The following CACNB4 variants were observed in gnomAD, a reference collection of about 807,000 sequenced individuals.
CACNB4 encodes voltage-dependent L-type calcium channel subunit beta-4.
Under a neutral mutation model 71.2 loss-of-function variants are expected in CACNB4, and 32 were observed. That is an observed-to-expected ratio of 0.45 (90% CI 0.34 to 0.60). The LOEUF (loss-of-function observed/expected upper bound fraction) is 0.60. Among genes scored for constraint, CACNB4 ranks in the 20% least tolerant of loss-of-function variants. CACNB4 has a pLI of 0.01. For missense variants in CACNB4, 464 were observed against 647.9 expected (o/e 0.72, Z 3.08); for synonymous variants, 231 against 236.9 (o/e 0.97, Z 0.23).
rs1490061984 is a variant in CACNB4, at chr2:152,098,455, C to T, written c.64-42G>A. 4.5e-6 allele frequency: 7 copies of T among 1,558,796 alleles called. No individual in the cohort carries two copies. The highest frequency in any genetic ancestry group is 6.2e-6 in the Non-Finnish European group (7 of 1,130,174). On this transcript the variant is annotated intron_variant, in intron 1 of 13. Coordinates refer to ENST00000539935, the MANE Select transcript of CACNB4 (RefSeq NM_000726.5). The surrounding 1 kb of genome is among the most constrained non-coding windows in gnomAD (Gnocchi z 5.3). ...GGGGCCAGAGAGAAGCCGGTGAGGA[C>T]CGCAGCGCAGAGCGGGGCGACCACC...
intron 2 of CACNB4, among the ~76,000 whole-genome samples, chr2:152,074,933 T>C (rs1686924904): frequency 1.3e-5 from 2 of 152,108 alleles, no homozygotes; most frequent in African/African-American, 4.8e-5. Flanking sequence ...ATCACCAGTA[T>C]TACCATCATC....
chr2:151,851,085 C>T (rs933110419), intron 12 of CACNB4: 6 of 152,032 alleles, frequency 3.9e-5, no homozygotes, highest in African/African-American at 1.4e-4. Context: ...GATATGGTGG[C>T]CAATTAAGTA....
At chr2:152,081,521 A>G (rs74530319) in intron 2 of CACNB4, among the ~76,000 whole-genome samples, 1,869 of 152,112 alleles carry the variant, frequency 0.012, 39 homozygotes, top group African/African-American at 0.043. Context: ...ATCCTGACAG[A>G]TTTGGTTCTT....
chr2:151,894,604 T>G (rs957996700), intron 2 of CACNB4, among the ~76,000 whole-genome samples: 12 of 152,084 alleles, frequency 7.9e-5, no homozygotes, highest in Non-Finnish European at 1.2e-4. Context: ...CAGATGGAAA[T>G]CAGAAAGTCA....
intron 2 of CACNB4, among the ~76,000 whole-genome samples, chr2:151,985,838 T>C (rs1681332036): frequency 6.6e-6 from 1 of 152,172 alleles, no homozygotes; most frequent in African/African-American, 2.4e-5. Flanking sequence ...GAAAGTCTTA[T>C]GACATTGGCA....
intron 6 of CACNB4, chr2:151,871,568 T>A (rs980144208): frequency 2.0e-5 from 3 of 152,456 alleles, no homozygotes; most frequent in Non-Finnish European, 2.9e-5. Flanking sequence ...CCAGTCTAGT[T>A]GGGTACAACT....
In CACNB4 at chr2:152,041,952, T is replaced by C. The variant is rs566489421; in HGVS notation, c.147+56378A>G. On this transcript the variant is annotated intron_variant, in intron 2 of 13. Transcript: ENST00000539935. ...ACGCCATCATTCCCAGCACTTGGAA[T>C]AATGCCCAGCACATAGGAGGTGTTC... Among the ~76,000 whole-genome samples the C allele has an allele frequency of 2.6e-5, 4 of 152,286 alleles. No individual in the cohort carries two copies. In the East Asian group the frequency reaches 5.8e-4, roughly 22 times the overall value.
chr2:151,870,050 T>C (rs2099844203), intron 8 of CACNB4: 6 of 583,116 alleles, frequency 1.0e-5, no homozygotes, highest in Non-Finnish European at 1.8e-5. Flanking sequence ...TTTTAAAACA[T>C]GTGCCCTTTA....
chr2:152,023,327 G>A (rs1348656338), intron 2 of CACNB4, among the ~76,000 whole-genome samples: 1 of 152,064 alleles, frequency 6.6e-6, no homozygotes, highest in Non-Finnish European at 1.5e-5. Context: ...AGATTTGGGT[G>A]GGGACACAGA....
At chr2:152,064,480 A>G (rs1023769958) in intron 2 of CACNB4, among the ~76,000 whole-genome samples, 53 of 152,298 alleles carry the variant, frequency 3.5e-4, no homozygotes, top group African/African-American at 1.2e-3. Context: ...TCCCAGGTTC[A>G]AGCGATTCTC....
intron 2 of CACNB4, among the ~76,000 whole-genome samples, chr2:151,922,733 T>C (rs2099859287): frequency 6.6e-6 from 1 of 152,232 alleles, no homozygotes; most frequent in African/African-American, 2.4e-5. Context: ...AAAAGATATT[T>C]ACCAAGACAG....
At chr2:151,946,101 G>A (rs2099865530) in intron 2 of CACNB4, among the ~76,000 whole-genome samples, 1 of 152,022 alleles carries the variant, frequency 6.6e-6, no homozygotes, top group Non-Finnish European at 1.5e-5. Context: ...GGCGAAGGCT[G>A]GTAGATCACA....
rs200092211 is a variant in CACNB4 at position 152,099,007 on chromosome 2, G to A, written c.5C>T (p.Ser2Phe). 8.8e-4 allele frequency: 1,344 copies of A among 1,533,242 alleles called. 1 individual carries two copies. Among genetic ancestry groups the A allele is most frequent in the Middle Eastern group, 2.9e-3 (14 of 4,854 alleles). The allele number at this position is 1,533,242 out of a possible 1,614,324, so 95.0% of individuals were successfully genotyped here. A position where few individuals can be genotyped will look rare whatever the true frequency, so the allele number is the denominator to read the frequency against. The change falls in exon 1 of 14, where the codon TCC becomes TTC. Residue 2 changes from serine (S) to phenylalanine (F), a missense_variant. Transcript: ENST00000539935. M[S>F]SSSYAKNGTA... Reference sequence around the variant, plus strand: ...CCCGTTCTTGGCGTAGGAGGAGGAGGACATCGTTCAGAGCCGCCGCATGGC... The same window carrying A: ...CCCGTTCTTGGCGTAGGAGGAGGAGAACATCGTTCAGAGCCGCCGCATGGC...
intron 12 of CACNB4, among the ~76,000 whole-genome samples, chr2:151,846,707 C>T (rs760080415): frequency 6.6e-6 from 1 of 152,026 alleles, no homozygotes; most frequent in African/African-American, 2.4e-5. Context: ...TATGCACCAC[C>T]ACATCCAGCT....
At chr2:151,860,263 T>C (rs1420301248) in intron 10 of CACNB4, 2 of 188,852 alleles carry the variant, frequency 1.1e-5, no homozygotes, top group Non-Finnish European at 2.1e-5. Context: ...TTAAAGTCCC[T>C]GCATGTTACT....
At chr2:151,909,682 C>T (rs1412478325) in intron 2 of CACNB4, among the ~76,000 whole-genome samples, 4 of 152,026 alleles carry the variant, frequency 2.6e-5, no homozygotes, top group East Asian at 1.9e-4. Context: ...GTTTGGTTTT[C>T]GTTCTTGTGT....
At chr2:151,966,500 C>T (rs1175894584) in intron 2 of CACNB4, among the ~76,000 whole-genome samples, 1 of 152,076 alleles carries the variant, frequency 6.6e-6, no homozygotes, top group Middle Eastern at 3.2e-3. Context: ...AGGCTGGTCT[C>T]AAACTCCTGA....
At position 152,039,340 on chromosome 2, in the gene CACNB4, C is replaced by G. The variant is rs7421148; in HGVS notation, c.147+58990G>C. Among the ~76,000 whole-genome samples, 512 of 151,218 alleles carry G rather than the reference C, an allele frequency of 3.4e-3. 1 individual carries two copies. The highest frequency in any genetic ancestry group is 8.7e-3 in the Admixed American group (131 of 15,142). On this transcript the variant is annotated intron_variant, in intron 2 of 13. Transcript: ENST00000539935. ...GCTGAGGCAGAGAACTGCTTGAACC[C>G]GGGAGGCGGAGGTTGCAGTGAGCTG... is the stretch of plus-strand genomic sequence containing the variant.
rs749277227 is a variant in CACNB4 at position 151,839,182 on chromosome 2, G to A, written c.1500C>T (p.Tyr500=). 3.1e-6 allele frequency: 5 copies of A among 1,613,564 alleles called. No individual in the cohort carries two copies. The highest frequency in any genetic ancestry group is 4.2e-6 in the Non-Finnish European group (5 of 1,179,506). ...GTGATCCTCGGTTCCTATGGGGTTT[G>A]TAAGTGTCCTGGTATGAGTCAGGGT... The part of the protein sequence containing the change: ...EDYPDSYQDT[Y]KPHRNRGSPG... Residue 500 remains tyrosine (Y), a synonymous_variant, in exon 14 of 14, where the codon TAC becomes TAT. Transcript: ENST00000539935.
Sources: allele counts gnomAD v4.1 joint callset (sites outside exome capture counted in the v4.1 genomes callset), GRCh38; gene constraint gnomAD v4.1.1; non-coding constraint Gnocchi (gnomAD v3.1); transcripts MANE v1.5; gene names NCBI Gene and HGNC (gene_info 2026-07-23, HGNC 2026-07-21).